Variants in LRRTM4 observed in about 807,000 individuals in gnomAD.
The protein encoded by LRRTM4 is leucine-rich repeat transmembrane neuronal protein 4.
In LRRTM4, 25 loss-of-function variants were observed where a neutral mutation model predicts 47.6. The ratio of observed to expected loss-of-function variants is 0.53; its 90% confidence interval spans 0.38 to 0.73. The LOEUF is 0.73. Among genes scored for constraint, LRRTM4 ranks in the 30% least tolerant of loss-of-function variants. The pLI is 0.00. For synonymous variants in LRRTM4, 311 were observed against 269.5 expected (o/e 1.15, Z -1.51); for missense variants, 638 against 713.4 (o/e 0.89, Z 1.20).
chr2:77,187,988 T>A (rs1393812414), intron 3 of LRRTM4, among the ~76,000 whole-genome samples: 1 of 152,212 alleles, frequency 6.6e-6, no homozygotes, highest in East Asian at 1.9e-4. Context: ...GTTATCTTTT[T>A]AAGTAGCTTT....
At chr2:76,796,249 C>A (rs1449858618) in intron 3 of LRRTM4, among the ~76,000 whole-genome samples, 31,866 of 128,408 alleles carry the variant, frequency 0.25, 6,141 homozygotes, top group East Asian at 0.5. Flanking sequence ...GAGGGGTGCC[C>A]GCCATTGAAC....
chr2:77,081,880 T>G (rs2103857752), intron 3 of LRRTM4, among the ~76,000 whole-genome samples: 1 of 152,248 alleles, frequency 6.6e-6, no homozygotes, highest in Non-Finnish European at 1.5e-5. Context: ...ACAAAATCTA[T>G]TAGAGAATCT....
At chr2:77,098,568 T>C (rs1356645846) in intron 3 of LRRTM4, among the ~76,000 whole-genome samples, 1 of 152,026 alleles carries the variant, frequency 6.6e-6, no homozygotes, top group Non-Finnish European at 1.5e-5. Flanking sequence ...TTAGAGCTTA[T>C]TCACAGGGCC....
chr2:76,979,158 T>C lies in LRRTM4; in HGVS notation c.1552-230242A>G, dbSNP rs534238575. ...ATAAAGATTCTAGCATTATCAGACA[T>C]GCATAGGATCACATATCAGGCATTT... On this transcript the variant is annotated intron_variant, in intron 3 of 3. Coordinates refer to ENST00000409884, the MANE Select transcript of LRRTM4 (RefSeq NM_001134745.3). Among the ~76,000 whole-genome samples, 7 of 152,140 alleles carry C rather than the reference T, an allele frequency of 4.6e-5. No homozygotes were observed. In the South Asian group the frequency reaches 1.0e-3, roughly 23 times the overall value.
At chr2:77,516,608 C>T in intron 3 of LRRTM4, 6 of 982,808 alleles carry the variant, frequency 6.1e-6, no homozygotes, top group Non-Finnish European at 7.2e-6. Flanking sequence ...GTTACTAATA[C>T]TCAAGTATAT....
intron 3 of LRRTM4, among the ~76,000 whole-genome samples, chr2:77,230,726 C>T (rs1674939048): frequency 1.3e-5 from 2 of 152,076 alleles, no homozygotes; most frequent in Non-Finnish European, 2.9e-5. Flanking sequence ...AGTAAGTCCT[C>T]AGTTATTGTT....
chr2:76,799,029 G>A (rs1029471630), intron 3 of LRRTM4, among the ~76,000 whole-genome samples: 1 of 150,132 alleles, frequency 6.7e-6, no homozygotes, highest in East Asian at 2.0e-4. Context: ...GGTATAAGGA[G>A]GAGCTGGTAC....
rs1672080508 is a variant in LRRTM4 at position 77,359,084 on chromosome 2, T to G, written c.1551+159234A>C. ...TTTTTGATGCTTTTAATCACCAAGT[T>G]TTTAAAGTCTTACATAATAAATGTA... On this transcript the variant is annotated intron_variant, in intron 3 of 3. Transcript: ENST00000409884. Among the ~76,000 whole-genome samples, 3 of 152,154 alleles carry G rather than the reference T, an allele frequency of 2.0e-5. No homozygotes were observed. In the South Asian group the frequency reaches 6.2e-4, roughly 31 times the overall value.
At chr2:76,920,064 G>C (rs1674385212) in intron 3 of LRRTM4, among the ~76,000 whole-genome samples, 1 of 151,966 alleles carries the variant, frequency 6.6e-6, no homozygotes, top group Non-Finnish European at 1.5e-5. Flanking sequence ...TTGAATTTCA[G>C]ATAGTTTTCC....
At chr2:76,809,733 G>A (rs1162659610) in intron 3 of LRRTM4, among the ~76,000 whole-genome samples, 1 of 152,138 alleles carries the variant, frequency 6.6e-6, no homozygotes, top group African/African-American at 2.4e-5. Context: ...GAACCTGGAC[G>A]AGTGGCCTTT....
chr2:76,902,328 A>T (rs1673665772), intron 3 of LRRTM4, among the ~76,000 whole-genome samples: 1 of 152,148 alleles, frequency 6.6e-6, no homozygotes, highest in Non-Finnish European at 1.5e-5. Context: ...ATCTTTTTTT[A>T]AAATTAAATA....
chr2:77,174,688 C>T (rs1558618781), intron 3 of LRRTM4, among the ~76,000 whole-genome samples: 1 of 152,034 alleles, frequency 6.6e-6, no homozygotes, highest in Non-Finnish European at 1.5e-5. Context: ...GGTACATGTG[C>T]ACAACGTGCA....
intron 3 of LRRTM4, among the ~76,000 whole-genome samples, chr2:77,179,537 G>C (rs1039634128): frequency 6.6e-6 from 1 of 152,076 alleles, no homozygotes; most frequent in Non-Finnish European, 1.5e-5. Context: ...TCGTTCGTCA[G>C]TATTTCAAGA....
intron 3 of LRRTM4, among the ~76,000 whole-genome samples, chr2:77,091,885 A>G (rs1670653583): frequency 7.1e-6 from 1 of 141,380 alleles, no homozygotes; most frequent in African/African-American, 2.9e-5. Context: ...AGCACCTTCT[A>G]CAAAACAACA....
intron 3 of LRRTM4, among the ~76,000 whole-genome samples, chr2:77,148,090 A>C (rs1482424752): frequency 1.3e-5 from 2 of 152,152 alleles, no homozygotes; most frequent in Non-Finnish European, 2.9e-5. Context: ...CATTTTTACT[A>C]CATGCTAACA....
At chr2:76,853,414 T>C (rs1672056349) in intron 3 of LRRTM4, among the ~76,000 whole-genome samples, 2 of 152,122 alleles carry the variant, frequency 1.3e-5, no homozygotes, top group South Asian at 4.1e-4. Context: ...TGAGAGCACC[T>C]GCCACCATCT....
chr2:77,392,945 G>A (rs1673559774), intron 3 of LRRTM4, among the ~76,000 whole-genome samples: 1 of 151,858 alleles, frequency 6.6e-6, no homozygotes, highest in African/African-American at 2.4e-5. Flanking sequence ...CCATTAGACA[G>A]CATATACATA....
chr2:77,281,999 C>T (rs1053525263), intron 3 of LRRTM4, among the ~76,000 whole-genome samples: 1 of 151,824 alleles, frequency 6.6e-6, no homozygotes, highest in African/African-American at 2.4e-5. Context: ...TTGATAGGAA[C>T]AGCATTGAAA....
chr2:77,257,717 AACACACAC>A (rs57315997), intron 3 of LRRTM4, among the ~76,000 whole-genome samples: 15 of 146,900 alleles, frequency 1.0e-4, no homozygotes, highest in African/African-American at 3.5e-4. Context: ...TTAAAAATAC[AACACACAC>A]ACACACACAC....
Sources: gnomAD v4.1 joint callset for allele counts (sites outside exome capture counted in the v4.1 genomes callset) on GRCh38, gnomAD v4.1.1 for gene constraint, MANE v1.5 for transcripts, NCBI Gene and HGNC (gene_info 2026-07-23, HGNC 2026-07-21) for gene names.